INTS14: variants seen among roughly 807,000 people sequenced by gnomAD.
The protein encoded by INTS14 is UPF0464 protein C15orf44.
In INTS14, 27 loss-of-function variants were observed where a neutral mutation model predicts 56.9. The ratio of observed to expected loss-of-function variants is 0.47; its 90% confidence interval spans 0.35 to 0.65. The LOEUF (loss-of-function observed/expected upper bound fraction) is 0.65. Ranked by LOEUF, INTS14 falls within the 30% of genes least tolerant of loss-of-function variation. The pLI, the probability that INTS14 is intolerant of heterozygous loss-of-function variation, is 0.00. For missense variants in INTS14, 517 were observed against 632.2 expected (o/e 0.82, Z 1.95); for synonymous variants, 207 against 236.2 (o/e 0.88, Z 1.13).
At chr15:65,597,695 A>G (rs1179126244) in intron 6 of INTS14, among the ~76,000 whole-genome samples, 1 of 152,218 alleles carries the variant, frequency 6.6e-6, no homozygotes. Context: ...CCAGGGTCAC[A>G]TATCAAGAGT....
At chr15:65,585,003 A>T (rs1365162070) in intron 9 of INTS14, 115 bp from the exon 10 acceptor site, 1 of 859,922 alleles carries the variant, frequency 1.2e-6, no homozygotes, top group Admixed American at 3.5e-5. Flanking sequence ...TCACTTTGTT[A>T]ATTAAGAAAA....
intron 3 of INTS14, among the ~76,000 whole-genome samples, chr15:65,604,323 C>CA (rs2073560647): frequency 6.6e-6 from 1 of 152,144 alleles, no homozygotes; most frequent in South Asian, 2.1e-4. Context: ...ACCTGGTGAT[C>CA]CGTCCACCTC....
Position 65,611,098 on chromosome 15 carries a change from C to T in INTS14, c.-63G>A. On this transcript the variant is annotated splice_region_variant and 5_prime_UTR_variant, in exon 1 of 12. Coordinates refer to ENST00000313182, the MANE Select transcript of INTS14 (RefSeq NM_001394796.1). ...CCGGGCCCTCGGCCTCCCCACTCAC[C>T]CCGTGCCCATCGCCGGACACAGTCC... 6.5e-7 allele frequency: 1 copy of T among 1,535,684 alleles called. No individual in the cohort carries two copies. Among genetic ancestry groups the T allele is most frequent in the Non-Finnish European group, 8.7e-7 (1 of 1,146,638 alleles).
chr15:65,585,535 T>C (rs1045593962), intron 9 of INTS14, among the ~76,000 whole-genome samples: 1 of 152,224 alleles, frequency 6.6e-6, no homozygotes, highest in African/African-American at 2.4e-5. Context: ...TATGGCTTAT[T>C]AGTTTATTGC....
In INTS14 at chr15:65,595,742, GT is replaced by G; in HGVS notation, c.831del (p.Asn279ThrfsTer39). The G allele has an allele frequency of 6.2e-7, 1 of 1,606,628 alleles. No homozygotes were observed. Among genetic ancestry groups the G allele is most frequent in the Non-Finnish European group, 8.5e-7 (1 of 1,177,092 alleles). On this transcript the variant is annotated frameshift_variant, in exon 7 of 12. Transcript: ENST00000313182. LOFTEE classifies it high-confidence loss of function. ...TGGAATAGGAACTCACCTTTGTTAA[GT>G]GCTATAGGTAAGACCAGATGTCTGG... ...VLSRHLVLPI[A>X]LNKEGDEVGT...
rs773264549 is a variant in INTS14 at position 65,584,829 on chromosome 15, T to G, written c.1180A>C (p.Lys394Gln). ...DNKSPFPLQP[K>Q]NKRSYAQNVT... ...TTCTGGGCATAACTGCGTTTGTTTTTGGGCTGCAGGGGGAATGGACTCTTA... is the reference window on the plus strand; with the variant it reads ...TTCTGGGCATAACTGCGTTTGTTTTGGGGCTGCAGGGGGAATGGACTCTTA... The change falls in exon 10 of 12, where the codon AAA becomes CAA. Residue 394 changes from lysine (K) to glutamine (Q), a missense_variant. Physicochemically the swap from Lys to Gln is moderately conservative, Grantham distance 53. Transcript: ENST00000313182. 2.1e-5 allele frequency: 34 copies of G among 1,612,940 alleles called. No individual in the cohort carries two copies. The highest frequency in any genetic ancestry group is 2.8e-5 in the Non-Finnish European group (33 of 1,179,506).
intron 8 of INTS14, 37 bp downstream of exon 8, chr15:65,593,390 TC>T: frequency 6.4e-7 from 1 of 1,574,558 alleles, no homozygotes; most frequent in Admixed American, 1.8e-5. Context: ...AAAATGATTT[TC>T]CCTTTCATTC....
chr15:65,604,636 G>T (rs568091977), intron 3 of INTS14, among the ~76,000 whole-genome samples: 1 of 151,622 alleles, frequency 6.6e-6, no homozygotes, highest in South Asian at 2.1e-4. Context: ...AGGACGAAGT[G>T]GGAGAATCAC....
Position 65,593,480 on chromosome 15 carries a change from G to C in INTS14, c.934C>G (p.Leu312Val). ...IAGKIPNFCV[L>V]LHGSLKVEGM... The stretch of plus-strand genomic sequence containing the variant: ...TCCACTTTTAGGCTACCATGGAGCA[G>C]GACACAAAAGTTGGGTATTTTGCCT... Residue 312 changes from leucine (L) to valine (V), a missense_variant, in exon 8 of 12, where the codon CTG becomes GTG. Coordinates refer to ENST00000313182, the MANE Select transcript of INTS14 (RefSeq NM_001394796.1). The C allele has an allele frequency of 6.2e-7, 1 of 1,613,898 alleles. No homozygotes were observed. The highest frequency in any genetic ancestry group is 8.5e-7 in the Non-Finnish European group (1 of 1,179,924).
intron 8 of INTS14, 74 bp from the exon 9 acceptor site, chr15:65,591,805 A>AT: frequency 6.6e-7 from 1 of 1,520,934 alleles, no homozygotes; most frequent in Non-Finnish European, 8.9e-7. Flanking sequence ...TCTAGCCTGT[A>AT]TTTTTCTCTT....
At position 65,595,895 on chromosome 15, in the gene INTS14, T is replaced by A. The variant is rs1037398913; in HGVS notation, c.749-70A>T. 13 of 1,226,568 alleles carry A rather than the reference T, an allele frequency of 1.1e-5. No homozygotes were observed. In the Admixed American group the frequency reaches 1.6e-4, roughly 15 times the overall value. The allele number at this position is 1,226,568 out of a possible 1,614,324, so 76.0% of individuals were successfully genotyped here. A position where few individuals can be genotyped will look rare whatever the true frequency, so the allele number is the denominator to read the frequency against. ...AGTACATTATTTTCCATGTATTACA[T>A]TTCACAAATGCACTGTTTAGGTTGG... On this transcript the variant is annotated intron_variant, in intron 6 of 11. Coordinates refer to ENST00000313182, the MANE Select transcript of INTS14 (RefSeq NM_001394796.1).
At chr15:65,588,555 CTATTAG>C (rs2072911495) in intron 9 of INTS14, among the ~76,000 whole-genome samples, 1 of 151,506 alleles carries the variant, frequency 6.6e-6, no homozygotes. Context: ...GTAGTCACAG[CTATTAG>C]GGAGGCAGAG....
At position 65,599,911 on chromosome 15, in the gene INTS14, C is replaced by A. The variant is rs747057071; in HGVS notation, c.349G>T (p.Gly117Cys). ...IPCQVVLVTD[G>C]CLGIGRGSLR... Reference sequence around the variant, plus strand: ...GACCCTCTACCAATGCCAAGACAGCCGTCTGTCACCAGGACAACCTGTTTG... The same window carrying A: ...GACCCTCTACCAATGCCAAGACAGCAGTCTGTCACCAGGACAACCTGTTTG... The change falls in exon 4 of 12, where the codon GGC becomes TGC. Residue 117 changes from glycine to cysteine, a missense_variant. Gly to Cys is a radical substitution (Grantham distance 159). Coordinates refer to ENST00000313182, the MANE Select transcript of INTS14 (RefSeq NM_001394796.1). The A allele has an allele frequency of 2.5e-6, 4 of 1,612,832 alleles. No homozygotes were observed. The highest frequency in any genetic ancestry group is 1.7e-5 in the Admixed American group (1 of 59,714).
chr15:65,598,611 G>A (rs1387268956), intron 5 of INTS14, 148 bp from the exon 6 acceptor site: 1 of 938,384 alleles, frequency 1.1e-6, no homozygotes, highest in Non-Finnish European at 1.5e-6. Flanking sequence ...TGACATTTTT[G>A]GTGAGGAAAT....
At chr15:65,582,060 TG>T in intron 10 of INTS14, 41 bp from the exon 11 acceptor site, 1 of 1,529,178 alleles carries the variant, frequency 6.5e-7, no homozygotes, top group African/African-American at 1.4e-5. Context: ...TAGAATTCTG[TG>T]GTAAAAAAGG....
chr15:65,597,787 T>G (rs1392144357), intron 6 of INTS14, among the ~76,000 whole-genome samples: 1 of 152,180 alleles, frequency 6.6e-6, no homozygotes, highest in Non-Finnish European at 1.5e-5. Flanking sequence ...CTATTAAGAA[T>G]CATCTCAAAG....
Position 65,579,609 on chromosome 15 carries a change from C to G in INTS14, c.1356G>C (p.Leu452=). Residue 452 remains leucine, a synonymous_variant, in exon 12 of 12, where the codon CTG becomes CTC. Transcript: ENST00000313182. ...CCAGCATGTCAGCCACCCCTTTCAG[C>G]AGGTCCAGGAAACCAAAGGCTAGAG... ...KAALAFGFLD[L]LKGVADMLER... 6.2e-7 allele frequency: 1 copy of G among 1,614,156 alleles called. No homozygotes were observed. The highest frequency in any genetic ancestry group is 8.5e-7 in the Non-Finnish European group (1 of 1,180,020).
chr15:65,583,209 A>G (rs1238606773), intron 10 of INTS14, among the ~76,000 whole-genome samples: 1 of 152,206 alleles, frequency 6.6e-6, no homozygotes, highest in East Asian at 1.9e-4. Flanking sequence ...AGAGTATTGA[A>G]AACAAATGTT....
At chr15:65,610,866 G>A (rs1338565488) in intron 1 of INTS14, 3 of 1,518,354 alleles carry the variant, frequency 2.0e-6, no homozygotes, top group Admixed American at 2.0e-5. Flanking sequence ...GGGGAGCTGA[G>A]CAGAGGGCGA....
Sources: allele counts gnomAD v4.1 joint callset (sites outside exome capture counted in the v4.1 genomes callset), GRCh38; gene constraint gnomAD v4.1.1; transcripts MANE v1.5; gene names NCBI Gene and HGNC (gene_info 2026-07-23, HGNC 2026-07-21).